Variants in OTOF observed in about 807,000 individuals in gnomAD.
The protein encoded by OTOF is otoferlin, also known as fer-1-like family member 2.
A neutral mutation model predicts 236.8 loss-of-function variants in OTOF; 218 were observed. The observed-to-expected ratio is 0.92, with a 90% CI of 0.82 to 1.03. OTOF has a LOEUF of 1.03. Among genes scored for constraint, OTOF ranks in the 50% least tolerant of loss-of-function variants. The probability of loss-of-function intolerance (pLI) is 0.00; values close to 1 mark genes in which losing one functional copy is unlikely to be tolerated. For synonymous variants in OTOF, 1,041 were observed against 1,072.5 expected (o/e 0.97, Z 0.57); for missense variants, 2,590 against 2,694.4 (o/e 0.96, Z 0.86).
Position 26,461,351 on chromosome 2 carries a change from A to G in OTOF, c.5534-321T>C, listed in dbSNP as rs1664454267. On this transcript the variant is annotated intron_variant, in intron 43 of 46. Transcript: ENST00000272371. This position sits in a 1 kb window ranked among gnomAD's most constrained non-coding sequence, Gnocchi z 6.2. ...CCACAAGCTTTTGCAGATGCAGATT[A>G]GAGTTTTAGGGAGAATCCCTGCTTT... is the stretch of plus-strand genomic sequence containing the variant. 6.6e-6 allele frequency among the ~76,000 whole-genome samples: 1 copy of G among 152,214 alleles called. No homozygotes were observed. Among genetic ancestry groups the G allele is most frequent in the Non-Finnish European group, 1.5e-5 (1 of 68,024 alleles).
intron 4 of OTOF, among the ~76,000 whole-genome samples, chr2:26,516,845 C>T (rs1572469384): frequency 6.6e-6 from 1 of 152,166 alleles, no homozygotes. Flanking sequence ...GGTGGTTCCA[C>T]TCCTCCCTGG....
At position 26,479,603 on chromosome 2, in the gene OTOF, GC is replaced by G. The variant is rs751564248; in HGVS notation, c.1962del (p.Arg656GlyfsTer10). 1.2e-6 allele frequency: 2 copies of G among 1,612,556 alleles called. No individual in the cohort carries two copies. The highest frequency in any genetic ancestry group is 2.2e-5 in the East Asian group (1 of 44,834). On this transcript the variant is annotated frameshift_variant, in exon 17 of 47. Transcript: ENST00000272371. LOFTEE classifies it high-confidence loss of function. Reference protein sequence around the residue: ...VDGLSRPQRPRPRKEPGDEEE... With the variant: ...VDGLSRPQRPXPRKEPGDEEE... ...TCCTCATCCCCCGGCTCCTTCCGGG[GC>G]CGAGGCCGCTGGGGCCGGGACAGGC...
chr2:26,480,052 C>T, intron 16 of OTOF, 151 bp downstream of exon 16: 2 of 674,134 alleles, frequency 3.0e-6, no homozygotes, highest in Non-Finnish European at 5.4e-6. Flanking sequence ...GTGCTTGAGG[C>T]CTCTCAGGGG....
chr2:26,528,788 T>A (rs1187152872), intron 2 of OTOF, among the ~76,000 whole-genome samples: 1 of 152,184 alleles, frequency 6.6e-6, no homozygotes, highest in Non-Finnish European at 1.5e-5. Flanking sequence ...GAAAGAAGAC[T>A]GGGCAAGGGA....
At chr2:26,467,834 A>G (rs968544293) in intron 33 of OTOF, among the ~76,000 whole-genome samples, 1 of 152,164 alleles carries the variant, frequency 6.6e-6, no homozygotes, top group African/African-American at 2.4e-5. Context: ...TGTCCATAAT[A>G]ATAACACTCT....
At chr2:26,494,667 T>G (rs1665934082) in intron 9 of OTOF, among the ~76,000 whole-genome samples, 2 of 143,584 alleles carry the variant, frequency 1.4e-5, no homozygotes, top group Admixed American at 6.8e-5. Context: ...GGGGGGGGGT[T>G]CTTTCACAGG....
Position 26,464,063 on chromosome 2 carries a change from CAG to C in OTOF, c.5002_5003del (p.Leu1668GlufsTer75). The C allele has an allele frequency of 1.2e-6, 2 of 1,613,708 alleles. No individual in the cohort carries two copies. Among genetic ancestry groups the C allele is most frequent in the Non-Finnish European group, 1.7e-6 (2 of 1,180,026 alleles). On this transcript the variant is annotated frameshift_variant, in exon 40 of 47. Transcript: ENST00000272371. LOFTEE classifies it high-confidence loss of function. ...PTDEHVALLA[L>X]RHWEDIPRAG... ...CGCGGGGGATGTCCTCCCAGTGCCT[CAG>C]GGCCAACAGCGCCACATGCTCGTCT...
At chr2:26,540,389 C>T (rs1558524343) in intron 1 of OTOF, among the ~76,000 whole-genome samples, 1 of 152,168 alleles carries the variant, frequency 6.6e-6, no homozygotes, top group Non-Finnish European at 1.5e-5. Flanking sequence ...CTACAGAAAA[C>T]CTGGGAGCCC....
intron 11 of OTOF, among the ~76,000 whole-genome samples, 197 bp downstream of exon 11, chr2:26,489,014 C>T (rs1352047463): frequency 2.6e-5 from 4 of 152,238 alleles, no homozygotes; most frequent in South Asian, 2.1e-4. Flanking sequence ...AGACTGGGTG[C>T]GCAGTTGCTC....
chr2:26,535,126 G>A (rs955428399), intron 2 of OTOF, among the ~76,000 whole-genome samples: 1 of 152,246 alleles, frequency 6.6e-6, no homozygotes, highest in African/African-American at 2.4e-5. Flanking sequence ...GGCCAGGGCT[G>A]AGGCCACTTT....
chr2:26,479,446 C>G (rs1397436974), intron 17 of OTOF, 27 bp downstream of exon 17: 1 of 1,604,744 alleles, frequency 6.2e-7, no homozygotes, highest in Non-Finnish European at 8.5e-7. Context: ...AGGGCCAGGC[C>G]ACAGGAGGAT....
chr2:26,501,537 A>G (rs1477842394), intron 8 of OTOF, among the ~76,000 whole-genome samples: 2 of 152,232 alleles, frequency 1.3e-5, no homozygotes, highest in African/African-American at 2.4e-5. Context: ...TAGCATAGGC[A>G]GAGTTCTCAA....
chr2:26,460,556 G>A lies in OTOF; in HGVS notation c.5813+91C>T. 9.8e-7 allele frequency: 1 copy of A among 1,023,676 alleles called. No homozygotes were observed. The allele number at this position is 1,023,676 out of a possible 1,614,324, so 63.4% of individuals were successfully genotyped here. A position where few individuals can be genotyped will look rare whatever the true frequency, so the allele number is the denominator to read the frequency against. ...CCCCTGTAATGAGGCTGTGGCCCAG[G>A]AAGAGATGGGGTGTCTGGGGATCGT... On this transcript the variant is annotated intron_variant, in intron 45 of 46. Coordinates refer to ENST00000272371, the MANE Select transcript of OTOF (RefSeq NM_194248.3). This position sits in a 1 kb window ranked among gnomAD's most constrained non-coding sequence, Gnocchi z 5.3.
Position 26,476,959 on chromosome 2 carries a change from G to T in OTOF, c.2608C>A (p.Leu870Met). Residue 870 changes from leucine to methionine, a missense_variant, in exon 22 of 47, where the codon CTG becomes ATG. Physicochemically the swap from Leu to Met is conservative, Grantham distance 15. Transcript: ENST00000272371. The part of the protein sequence containing the change: ...VAYARVPSKD[L>M]LFSIVEEETG... Reference sequence around the variant, plus strand: ...TCCTCCTCCACGATGGAGAAGAGCAGGTCCTTGGAGGGCACACGGGCATAG... The same window carrying T: ...TCCTCCTCCACGATGGAGAAGAGCATGTCCTTGGAGGGCACACGGGCATAG... The T allele has an allele frequency of 6.2e-7, 1 of 1,611,480 alleles. No homozygotes were observed. The highest frequency in any genetic ancestry group is 8.5e-7 in the Non-Finnish European group (1 of 1,179,318).
chr2:26,467,149 C>G lies in OTOF; in HGVS notation c.4312G>C (p.Asp1438His). The change falls in exon 35 of 47, where the codon GAT becomes CAT. Residue 1438 changes from aspartate (D) to histidine (H), a missense_variant. Physicochemically the swap from Asp to His is moderately conservative, Grantham distance 81 (BLOSUM62 -1). Coordinates refer to ENST00000272371, the MANE Select transcript of OTOF (RefSeq NM_194248.3). ...TFNLLRGKTG[D>H]DEDGSTEEER... ...TCCTCGGTGGAGCCATCCTCATCAT[C>G]CCCGGTCTTGCCCCGAAGCAAGTTG... 6.2e-7 allele frequency: 1 copy of G among 1,613,900 alleles called. No individual in the cohort carries two copies. Among genetic ancestry groups the G allele is most frequent in the African/African-American group, 1.3e-5 (1 of 74,938 alleles).
intron 5 of OTOF, among the ~76,000 whole-genome samples, chr2:26,514,642 G>A (rs1191806478): frequency 6.6e-6 from 1 of 152,228 alleles, no homozygotes; most frequent in Non-Finnish European, 1.5e-5. Context: ...CTCAGAGTTG[G>A]AGGGGAGCCA....
intron 9 of OTOF, among the ~76,000 whole-genome samples, chr2:26,492,372 A>T (rs1176363194): frequency 6.6e-6 from 1 of 152,250 alleles, no homozygotes; most frequent in South Asian, 2.1e-4. Context: ...AGTTTAGAGG[A>T]AACAGAAACA....
At chr2:26,546,374 T>A (rs974971988) in intron 1 of OTOF, among the ~76,000 whole-genome samples, 2 of 151,562 alleles carry the variant, frequency 1.3e-5, no homozygotes, top group African/African-American at 4.9e-5. Flanking sequence ...GAAAGGAGAA[T>A]CGCTTGAACC....
rs779256261 is a variant in OTOF, at chr2:26,476,173, C to T, written c.2821G>A (p.Gly941Ser). Residue 941 changes from glycine to serine, a missense_variant, in exon 23 of 47, where the codon GGC (glycine) becomes AGC (serine). By Grantham distance (56) the Gly-to-Ser change is moderately conservative. Coordinates refer to ENST00000272371, the MANE Select transcript of OTOF (RefSeq NM_194248.3). ...CGFQEVKAAQ[G>S]LGLHAFPPVS... ...GGTGGGAAGGCATGCAGGCCCAGGC[C>T]CTGGGCTGCCTTGACCTCCTGGAAG... is the stretch of plus-strand genomic sequence containing the variant. 1.9e-6 allele frequency: 3 copies of T among 1,610,942 alleles called. No individual in the cohort carries two copies. Among genetic ancestry groups the T allele is most frequent in the Admixed American group, 3.3e-5 (2 of 59,978 alleles).
Sources: allele counts gnomAD v4.1 joint callset (sites outside exome capture counted in the v4.1 genomes callset), GRCh38; gene constraint gnomAD v4.1.1; non-coding constraint Gnocchi (gnomAD v3.1); transcripts MANE v1.5; gene names NCBI Gene and HGNC (gene_info 2026-07-23, HGNC 2026-07-21).